SLCO3A1: variants seen among roughly 807,000 people sequenced by gnomAD.
SLCO3A1 encodes the protein PGE1 transporter.
Under a neutral mutation model 63.1 loss-of-function variants are expected in SLCO3A1, and 27 were observed. The ratio of observed to expected loss-of-function variants is 0.43; its 90% CI spans 0.32 to 0.59. The LOEUF is 0.59. SLCO3A1 is among the 20% of genes least tolerant of loss of function. The pLI, the probability that SLCO3A1 is intolerant of heterozygous loss-of-function variation, is 0.09. For missense variants in SLCO3A1, 773 were observed against 945.8 expected, an observed-to-expected ratio of 0.82 and a Z score of 2.40; for synonymous variants, 473 against 409.9, an observed-to-expected ratio of 1.15 and a Z score of -1.86.
Position 91,967,356 on chromosome 15 carries a change from A to G in SLCO3A1, c.646+50898A>G, listed in dbSNP as rs1043616609. ...TTAACTGCTCTACACAGAAATGAACAGCAGTATAGATTAACCCATAAGAGT... is the reference window on the plus strand; with the variant it reads ...TTAACTGCTCTACACAGAAATGAACGGCAGTATAGATTAACCCATAAGAGT... On this transcript the variant is annotated intron_variant, in intron 2 of 9. Coordinates refer to ENST00000318445, the MANE Select transcript of SLCO3A1 (RefSeq NM_013272.4). This position sits in a 1 kb window ranked among gnomAD's most constrained non-coding sequence, Gnocchi z 4.4. Among the ~76,000 whole-genome samples, 1 of 152,212 alleles carries G rather than the reference A, an allele frequency of 6.6e-6. No individual in the cohort carries two copies. The highest frequency in any genetic ancestry group is 1.5e-5 in the Non-Finnish European group (1 of 68,044).
At chr15:92,157,102 G>A (rs985785353) in intron 9 of SLCO3A1, 2 of 152,144 alleles carry the variant, frequency 1.3e-5, no homozygotes, top group Admixed American at 6.5e-5. Context: ...GTAAGATTCA[G>A]TCCTTTTAAT....
chr15:91,902,543 A>G (rs1247714626), intron 1 of SLCO3A1, among the ~76,000 whole-genome samples: 7 of 151,926 alleles, frequency 4.6e-5, no homozygotes, highest in Non-Finnish European at 1.0e-4. Context: ...TTTCCCTGCC[A>G]CTGTTCTGCC....
intron 3 of SLCO3A1, among the ~76,000 whole-genome samples, chr15:92,102,609 C>T (rs907486312): frequency 6.6e-5 from 10 of 152,168 alleles, no homozygotes; most frequent in African/African-American, 2.4e-4. Flanking sequence ...TTACACTGTC[C>T]CCTCTCCAGC....
intron 9 of SLCO3A1, among the ~76,000 whole-genome samples, chr15:92,152,898 C>G (rs2048325664): frequency 6.6e-6 from 1 of 152,196 alleles, no homozygotes. Flanking sequence ...CTATGGAGAT[C>G]TCTGCACCTC....
chr15:91,880,403 C>CTGTGTGTGTGTGTGTGTGTGTG (rs1324272484), intron 1 of SLCO3A1, among the ~76,000 whole-genome samples: 26 of 140,660 alleles, frequency 1.8e-4, no homozygotes, highest in African/African-American at 6.1e-4. Context: ...CTCTCTCTCT[C>CTGTGTGTGTGTGTGTGTGTGTG]TCTCTCTGTG....
At chr15:92,142,416 A>G (rs2048145891) in intron 7 of SLCO3A1, among the ~76,000 whole-genome samples, 1 of 152,162 alleles carries the variant, frequency 6.6e-6, no homozygotes, top group African/African-American at 2.4e-5. Flanking sequence ...GGCACCCTCT[A>G]GCTGTGTCTT....
At position 92,147,256 on chromosome 15, in the gene SLCO3A1, G is replaced by C. The variant is rs906854737; in HGVS notation, c.1688+97G>C. On this transcript the variant is annotated intron_variant, in intron 8 of 9. Coordinates refer to ENST00000318445, the MANE Select transcript of SLCO3A1 (RefSeq NM_013272.4). ...GAGCTTCAGACAACAGGAATCTCTCGAACCAGGTGAGCTAGGGCCACAGCA... is the reference window on the plus strand; with the variant it reads ...GAGCTTCAGACAACAGGAATCTCTCCAACCAGGTGAGCTAGGGCCACAGCA... 2.1e-5 allele frequency: 27 copies of C among 1,266,360 alleles called. 1 individual carries two copies. In the Middle Eastern group the frequency reaches 5.9e-4, roughly 27 times the overall value. 78.4% of individuals were successfully genotyped at this position (1,266,360 alleles called of 1,614,324 possible).
intron 1 of SLCO3A1, among the ~76,000 whole-genome samples, chr15:91,874,676 A>G (rs1372224474): frequency 6.6e-6 from 1 of 152,176 alleles, no homozygotes; most frequent in African/African-American, 2.4e-5. Context: ...CATGTTGGCT[A>G]TTGTGAATAA....
At position 91,921,907 on chromosome 15, in the gene SLCO3A1, G is replaced by A. The variant is rs576978607; in HGVS notation, c.646+5449G>A. Among the ~76,000 whole-genome samples, 63 of 150,258 alleles carry A rather than the reference G, an allele frequency of 4.2e-4. 1 individual carries two copies. The South Asian group carries it at 0.013, about 32-fold the overall frequency. The stretch of plus-strand genomic sequence containing the variant: ...ACCACACCCGGTTACTTTTTTTTTT[G>A]TATTTTTAGTAAAGACAGGGTTTCG... On this transcript the variant is annotated intron_variant, in intron 2 of 9. Transcript: ENST00000318445.
rs2047850972 is a variant in SLCO3A1 at position 92,120,538 on chromosome 15, G to A, written c.1083G>A (p.Glu361=). 3 of 1,614,128 alleles carry A rather than the reference G, an allele frequency of 1.9e-6. No individual in the cohort carries two copies. The highest frequency in any genetic ancestry group is 2.5e-6 in the Non-Finnish European group (3 of 1,180,012). ...GCATCATCCTGGCCGCCTGCATGGAGATTGCAGTGGTGGCTGGCTTCGCTG... is the reference window on the plus strand; with the variant it reads ...GCATCATCCTGGCCGCCTGCATGGAAATTGCAGTGGTGGCTGGCTTCGCTG... ...FTCIILAACM[E]IAVVAGFAAF... is the part of the protein sequence containing the mutation. Residue 361 remains glutamate, a synonymous_variant, in exon 5 of 10, where the codon GAG becomes GAA. Transcript: ENST00000318445.
intron 2 of SLCO3A1, among the ~76,000 whole-genome samples, chr15:92,005,286 AG>A (rs1344343946): frequency 3.9e-5 from 6 of 152,340 alleles, no homozygotes; most frequent in African/African-American, 1.4e-4. Context: ...TGCTGGTTAA[AG>A]TTCCTGGCTC....
At chr15:92,078,832 A>T (rs2047309555) in intron 2 of SLCO3A1, among the ~76,000 whole-genome samples, 1 of 152,186 alleles carries the variant, frequency 6.6e-6, no homozygotes, top group African/African-American at 2.4e-5. Context: ...CTCAGCCCTC[A>T]GCTCACTAGG....
At chr15:92,016,262 A>ATAGATTGAT (rs1555424454) in intron 2 of SLCO3A1, among the ~76,000 whole-genome samples, 24 of 112,858 alleles carry the variant, frequency 2.1e-4, no homozygotes, top group African/African-American at 7.3e-4. Flanking sequence ...GATTAGATAG[A>ATAGATTGAT]TAGATAGATA....
intron 2 of SLCO3A1, among the ~76,000 whole-genome samples, chr15:92,007,986 C>A (rs1317009835): frequency 6.6e-6 from 1 of 152,072 alleles, no homozygotes; most frequent in Non-Finnish European, 1.5e-5. Flanking sequence ...GATTTCGAAC[C>A]TACAGGTCAA....
chr15:92,033,354 C>T lies in SLCO3A1; in HGVS notation c.647-61527C>T, dbSNP rs575271861. ...AGACTTCTGCAACCCTCCTCTCCTC[C>T]AAGAGCAGGGTAACTTCCTCCTCTT... On this transcript the variant is annotated intron_variant, in intron 2 of 9. Transcript: ENST00000318445. The surrounding 1 kb of genome is among the most constrained non-coding windows in gnomAD (Gnocchi z 4.5). Among the ~76,000 whole-genome samples the T allele has an allele frequency of 6.6e-6, 1 of 152,330 alleles. No homozygotes were observed. Among genetic ancestry groups the T allele is most frequent in the South Asian group, 2.1e-4 (1 of 4,828 alleles).
chr15:91,870,600 C>T lies in SLCO3A1; in HGVS notation c.180+16512C>T, dbSNP rs1481163720. Among the ~76,000 whole-genome samples, 3 of 152,300 alleles carry T rather than the reference C, an allele frequency of 2.0e-5. No homozygotes were observed. The East Asian group carries it at 5.8e-4, about 29-fold the overall frequency. On this transcript the variant is annotated intron_variant, in intron 1 of 9. Coordinates refer to ENST00000318445, the MANE Select transcript of SLCO3A1 (RefSeq NM_013272.4). Reference sequence around the variant, plus strand: ...TTGGGAGAATTTCTTTGTATTATCTCTTCAAACACTGGGTTCTATGCAGTG... The same window carrying T: ...TTGGGAGAATTTCTTTGTATTATCTTTTCAAACACTGGGTTCTATGCAGTG...
chr15:91,858,490 A>AG, intron 1 of SLCO3A1, among the ~76,000 whole-genome samples: 1 of 152,040 alleles, frequency 6.6e-6, no homozygotes, highest in Non-Finnish European at 1.5e-5. Context: ...TTTGTTTGTG[A>AG]GGGGGTTTTT....
chr15:92,084,791 A>T (rs1039588619), intron 2 of SLCO3A1, among the ~76,000 whole-genome samples: 4 of 152,194 alleles, frequency 2.6e-5, no homozygotes, highest in African/African-American at 9.6e-5. Context: ...TGACAAAGAG[A>T]AAAATAAAGG....
rs1384459150 is a variant in SLCO3A1 at position 91,872,376 on chromosome 15, C to G, written c.180+18288C>G. 1.3e-5 allele frequency among the ~76,000 whole-genome samples: 2 copies of G among 151,764 alleles called. No individual in the cohort carries two copies. The highest frequency in any genetic ancestry group is 4.1e-4 in the South Asian group (2 of 4,820). ...TGAAACCCCTTCTCTACTAAAAATA[C>G]AAAAAAATAGCCGGGCATGGTGGCA... On this transcript the variant is annotated intron_variant, in intron 1 of 9. Coordinates refer to ENST00000318445, the MANE Select transcript of SLCO3A1 (RefSeq NM_013272.4). The surrounding 1 kb of genome is among the most constrained non-coding windows in gnomAD (Gnocchi z 4.1).
Sources: gnomAD v4.1 joint callset for allele counts (sites outside exome capture counted in the v4.1 genomes callset) on GRCh38, gnomAD v4.1.1 for gene constraint, Gnocchi (gnomAD v3.1) non-coding constraint, MANE v1.5 for transcripts, NCBI Gene and HGNC (gene_info 2026-07-23, HGNC 2026-07-21) for gene names.